Variants in PCDHGA8 observed in about 807,000 individuals in gnomAD.
The protein encoded by PCDHGA8 is protocadherin gamma-A8.
In PCDHGA8, 45 loss-of-function variants were observed where a neutral mutation model predicts 59.2. That is an observed-to-expected ratio of 0.76 (90% CI 0.60 to 0.98). The LOEUF (loss-of-function observed/expected upper bound fraction) is 0.98, where lower values mean the gene tolerates loss of function less well. PCDHGA8 is among the 50% of genes least tolerant of loss of function. The pLI, the probability that PCDHGA8 is intolerant of heterozygous loss-of-function variation, is 0.00. For missense variants in PCDHGA8, 1,257 were observed against 1,196.2 expected (o/e 1.05, Z -0.75); for synonymous variants, 531 against 519.0 (o/e 1.02, Z -0.32).
intron 1 of PCDHGA8, chr5:141,415,782 T>C: frequency 7.4e-7 from 1 of 1,356,228 alleles, no homozygotes. Context: ...TACTTTCTGG[T>C]AAAATTCACC....
At chr5:141,430,448 G>T in intron 1 of PCDHGA8, 1 of 192,294 alleles carries the variant, frequency 5.2e-6, no homozygotes. Flanking sequence ...ATCCCCTTTT[G>T]AAGAACAGTA....
chr5:141,458,496 A>T (rs905073741), intron 1 of PCDHGA8, among the ~76,000 whole-genome samples: 1 of 151,694 alleles, frequency 6.6e-6, no homozygotes, highest in Non-Finnish European at 1.5e-5. Flanking sequence ...CTGCCTGTAC[A>T]TACTGTTTGA....
intron 2 of PCDHGA8, among the ~76,000 whole-genome samples, chr5:141,503,685 G>A (rs1171934407): frequency 2.6e-5 from 4 of 151,882 alleles, no homozygotes; most frequent in African/African-American, 9.7e-5. Context: ...TTGGGAAGGA[G>A]AATTGAGATT....
intron 1 of PCDHGA8, chr5:141,399,718 C>G (rs770212703): frequency 6.2e-7 from 1 of 1,613,308 alleles, no homozygotes; most frequent in Non-Finnish European, 8.5e-7. Context: ...ACTACAGGCC[C>G]GCGACCAGGG....
chr5:141,455,107 C>T (rs1027661420), intron 1 of PCDHGA8, among the ~76,000 whole-genome samples: 20 of 151,774 alleles, frequency 1.3e-4, no homozygotes, highest in Non-Finnish European at 2.4e-4. Context: ...CCACTGCGCC[C>T]GGTGGGTCTA....
intron 2 of PCDHGA8, among the ~76,000 whole-genome samples, chr5:141,500,674 G>T (rs554174451): frequency 4.2e-4 from 64 of 152,122 alleles, no homozygotes; most frequent in Non-Finnish European, 6.6e-4. Flanking sequence ...CTGTCCAACA[G>T]AATTATAGCT....
chr5:141,478,532 G>T, intron 1 of PCDHGA8: 1 of 1,607,858 alleles, frequency 6.2e-7, no homozygotes, highest in East Asian at 2.2e-5. Flanking sequence ...TGCAGAGAGC[G>T]CCCCTCCCGG....
intron 1 of PCDHGA8, chr5:141,398,834 A>T: frequency 6.2e-7 from 1 of 1,614,014 alleles, no homozygotes; most frequent in Non-Finnish European, 8.5e-7. Context: ...ACCGACGCCA[A>T]TGATAATCCC....
intron 1 of PCDHGA8, chr5:141,471,433 T>C (rs2099257619): frequency 6.6e-6 from 1 of 152,162 alleles, no homozygotes; most frequent in African/African-American, 2.4e-5. Flanking sequence ...GGAAAGTGTA[T>C]AATCTCATGT....
chr5:141,408,203 A>G (rs1299661641), intron 1 of PCDHGA8: 2 of 1,550,806 alleles, frequency 1.3e-6, no homozygotes, highest in African/African-American at 1.4e-5. Flanking sequence ...CGAGCGAACG[A>G]TGGGAGGGAG....
chr5:141,511,537 A>C lies in PCDHGA8; in HGVS notation c.*364A>C. 6.3e-6 allele frequency: 2 copies of C among 319,254 alleles called. No individual in the cohort carries two copies. The highest frequency in any genetic ancestry group is 6.7e-5 in the South Asian group (2 of 29,854). 19.8% of individuals were successfully genotyped at this position (319,254 alleles called of 1,614,324 possible). A position where few individuals can be genotyped will look rare whatever the true frequency, so the allele number is the denominator to read the frequency against. On this transcript the variant is annotated 3_prime_UTR_variant, in exon 4 of 4. Transcript: ENST00000398604. ...TCCATCCCATGCCTCCCTCCTCCCC[A>C]CCCCACTCCAACAGTTCCTCTTTCC... is the stretch of plus-strand genomic sequence containing the variant.
At chr5:141,407,930 C>T (rs2095001418) in intron 1 of PCDHGA8, 2 of 498,880 alleles carry the variant, frequency 4.0e-6, no homozygotes, top group Non-Finnish European at 6.9e-6. Flanking sequence ...CGCACGGAGC[C>T]TCTGGGCGCC....
In PCDHGA8 at chr5:141,459,764, A is replaced by G. The variant is rs980972909; in HGVS notation, c.2425-35043A>G. On this transcript the variant is annotated intron_variant, in intron 1 of 3. Transcript: ENST00000398604. ...TTTTAGCAATTCTAGTGGGTGTGTG[A>G]TACTATCTCATTGAAGTTTCAACTG... Among the ~76,000 whole-genome samples, 56 of 152,208 alleles carry G rather than the reference A, an allele frequency of 3.7e-4. 1 individual carries two copies. Among genetic ancestry groups the G allele is most frequent in the Admixed American group, 6.5e-5 (1 of 15,274 alleles).
chr5:141,409,820 C>T (rs1276944982), intron 1 of PCDHGA8: 4 of 1,610,926 alleles, frequency 2.5e-6, no homozygotes, highest in Non-Finnish European at 3.4e-6. Flanking sequence ...CCACGGCTCG[C>T]CCACGCTCAG....
At chr5:141,433,607 G>A (rs1209706866) in intron 1 of PCDHGA8, among the ~76,000 whole-genome samples, 2 of 152,078 alleles carry the variant, frequency 1.3e-5, no homozygotes, top group East Asian at 1.9e-4. Context: ...AGGCCGAGGC[G>A]GGTGGATCAC....
In PCDHGA8 at chr5:141,413,416, C is replaced by G. The variant is rs893515703; in HGVS notation, c.2424+18179C>G. ...CAGAGGTAGGACGCAGCTTTTCTCT[C>G]TGAACCCGCGCAGCGGCAGCTTGAT... On this transcript the variant is annotated intron_variant, in intron 1 of 3. Transcript: ENST00000398604. 1 of 1,614,100 alleles carries G rather than the reference C, an allele frequency of 6.2e-7. No individual in the cohort carries two copies. Among genetic ancestry groups the G allele is most frequent in the Admixed American group, 1.7e-5 (1 of 60,034 alleles).
chr5:141,460,983 G>A (rs12516231), intron 1 of PCDHGA8, among the ~76,000 whole-genome samples: 37,603 of 137,412 alleles, frequency 0.27, 5,103 homozygotes, highest in Admixed American at 0.34. Flanking sequence ...GTGTGTGTGT[G>A]TATATATATA....
chr5:141,455,593 C>G (rs957677108), intron 1 of PCDHGA8, among the ~76,000 whole-genome samples: 19 of 152,068 alleles, frequency 1.2e-4, no homozygotes, highest in African/African-American at 4.6e-4. Context: ...AATATGCAAA[C>G]GTAGGGCGCC....
intron 2 of PCDHGA8, among the ~76,000 whole-genome samples, chr5:141,499,686 T>G (rs1400567357): frequency 1.3e-5 from 2 of 149,346 alleles, no homozygotes; most frequent in Non-Finnish European, 3.0e-5. Flanking sequence ...CTTTAACAGA[T>G]GACTTTTTTT....
Sources: allele counts gnomAD v4.1 joint callset (sites outside exome capture counted in the v4.1 genomes callset), GRCh38; gene constraint gnomAD v4.1.1; transcripts MANE v1.5; gene names NCBI Gene and HGNC (gene_info 2026-07-23, HGNC 2026-07-21).